Variants in NELL1 observed in about 807,000 individuals in gnomAD.
NELL1 encodes the protein neural EGFL like 1, also known as protein kinase C-binding protein NELL1.
In NELL1, 76 loss-of-function variants were observed where a neutral mutation model predicts 107.4. That is an observed-to-expected ratio of 0.71 (90% CI 0.59 to 0.86). The LOEUF (loss-of-function observed/expected upper bound fraction) is 0.86. NELL1 is among the 40% of genes least tolerant of loss of function. NELL1 has a pLI of 0.00. For synonymous variants in NELL1, 353 were observed against 341.2 expected, an observed-to-expected ratio of 1.03 and a Z score of -0.38; for missense variants, 1,024 against 1,005.5, an observed-to-expected ratio of 1.02 and a Z score of -0.25.
chr11:20,827,948 G>A (rs1030778858), intron 3 of NELL1, among the ~76,000 whole-genome samples: 7 of 151,236 alleles, frequency 4.6e-5, no homozygotes, highest in Non-Finnish European at 1.0e-4. Flanking sequence ...AACCGCTGTT[G>A]ACTCTATGCT....
At chr11:20,678,106 G>C (rs1482739760) in intron 2 of NELL1, 46 bp downstream of exon 2, 1 of 1,608,880 alleles carries the variant, frequency 6.2e-7, no homozygotes, top group South Asian at 1.1e-5. Flanking sequence ...TTGGGGAGGA[G>C]GGTCTGTCTG....
intron 10 of NELL1, among the ~76,000 whole-genome samples, chr11:20,938,936 C>G (rs61880444): frequency 1.1e-3 from 46 of 42,416 alleles, no homozygotes; most frequent in Admixed American, 2.3e-3. Flanking sequence ...CTCTCTCTCT[C>G]TCTCTGTGTG....
chr11:20,875,633 C>T (rs1388113411), intron 4 of NELL1, among the ~76,000 whole-genome samples: 1 of 152,152 alleles, frequency 6.6e-6, no homozygotes, highest in East Asian at 1.9e-4. Flanking sequence ...ATTATTTTGT[C>T]AAATCACAGA....
At chr11:20,705,718 G>A (rs1437167614) in intron 2 of NELL1, among the ~76,000 whole-genome samples, 1 of 147,910 alleles carries the variant, frequency 6.8e-6, no homozygotes, top group East Asian at 1.9e-4. Context: ...TACCATCAGA[G>A]TGAACAGGCA....
intron 2 of NELL1, among the ~76,000 whole-genome samples, chr11:20,768,831 C>G (rs1274197777): frequency 7.9e-5 from 12 of 152,164 alleles, no homozygotes; most frequent in Admixed American, 7.2e-4. Flanking sequence ...GCCGTGCCCC[C>G]ATCTTGGTTT....
intron 13 of NELL1, among the ~76,000 whole-genome samples, chr11:21,126,759 G>C (rs1357970736): frequency 6.6e-6 from 1 of 152,182 alleles, no homozygotes; most frequent in Non-Finnish European, 1.5e-5. Flanking sequence ...GAGAAGCCCA[G>C]GCTGTGTAGA....
rs1564942753 is a variant in NELL1, at chr11:21,528,518, C to CG, written c.1646-5856_1646-5855insG. On this transcript the variant is annotated intron_variant, in intron 15 of 19. Coordinates refer to ENST00000357134, the MANE Select transcript of NELL1 (RefSeq NM_006157.5). ...ATCTCTTTGCACATACCCACCCCCC[C>CG]CCCCTTTTTTTTTTTCCACAATGAC... 3.6e-4 allele frequency among the ~76,000 whole-genome samples: 18 copies of CG among 49,812 alleles called. 1 individual carries two copies. Among genetic ancestry groups the CG allele is most frequent in the Admixed American group, 1.3e-3 (5 of 3,746 alleles). 32.7% of individuals were successfully genotyped at this position (49,812 alleles called of 152,430 possible). A position where few individuals can be genotyped will look rare whatever the true frequency, so the allele number is the denominator to read the frequency against.
chr11:21,246,889 G>C (rs896289405), intron 14 of NELL1, among the ~76,000 whole-genome samples: 6 of 152,152 alleles, frequency 3.9e-5, no homozygotes, highest in Non-Finnish European at 8.8e-5. Context: ...GCTCTTGCGA[G>C]ATTTATTCAC....
intron 3 of NELL1, among the ~76,000 whole-genome samples, chr11:20,784,141 A>G (rs78790035): frequency 0.01 from 1,533 of 152,324 alleles, 33 homozygotes; most frequent in African/African-American, 0.035. Flanking sequence ...CCTTCAATAA[A>G]CATTTACAGT....
At chr11:21,477,964 T>C (rs1854391410) in intron 15 of NELL1, among the ~76,000 whole-genome samples, 1 of 151,160 alleles carries the variant, frequency 6.6e-6, no homozygotes, top group East Asian at 1.9e-4. Context: ...AATTGACATA[T>C]AGAAAAATGC....
At chr11:21,491,931 T>A (rs989355560) in intron 15 of NELL1, among the ~76,000 whole-genome samples, 1 of 152,096 alleles carries the variant, frequency 6.6e-6, no homozygotes, top group African/African-American at 2.4e-5. Context: ...GTAAGTTGGA[T>A]TCCTAGGTAT....
intron 15 of NELL1, among the ~76,000 whole-genome samples, chr11:21,486,562 A>C (rs151245651): frequency 6.6e-6 from 1 of 152,146 alleles, no homozygotes; most frequent in African/African-American, 2.4e-5. Context: ...AACCAAAAAC[A>C]TGGAAAAGAA....
chr11:21,333,545 C>T (rs1299970634), intron 14 of NELL1, among the ~76,000 whole-genome samples: 1 of 151,972 alleles, frequency 6.6e-6, no homozygotes, highest in African/African-American at 2.4e-5. Context: ...AAACTTTCTT[C>T]CATATGTATG....
intron 14 of NELL1, among the ~76,000 whole-genome samples, chr11:21,334,246 T>G (rs1160099544): frequency 1.3e-5 from 2 of 151,916 alleles, no homozygotes; most frequent in African/African-American, 4.8e-5. Context: ...GGGTGGTAAA[T>G]ATTGGAGGCC....
chr11:21,499,551 A>G (rs1855082188), intron 15 of NELL1, among the ~76,000 whole-genome samples: 1 of 152,130 alleles, frequency 6.6e-6, no homozygotes, highest in Admixed American at 6.6e-5. Flanking sequence ...AAAATTCATC[A>G]ACTGGAATGT....
intron 2 of NELL1, among the ~76,000 whole-genome samples, chr11:20,729,202 T>C (rs1855574849): frequency 6.6e-6 from 1 of 152,190 alleles, no homozygotes; most frequent in South Asian, 2.1e-4. Context: ...TCTTATATCC[T>C]TTTGGCAGTG....
At chr11:21,134,155 G>A (rs1371214489) in intron 13 of NELL1, among the ~76,000 whole-genome samples, 1 of 152,230 alleles carries the variant, frequency 6.6e-6, no homozygotes, top group Non-Finnish European at 1.5e-5. Flanking sequence ...TTGGCAAAGT[G>A]AGAGTGGAGA....
chr11:20,731,113 AG>A (rs1855629545), intron 2 of NELL1, among the ~76,000 whole-genome samples: 1 of 152,106 alleles, frequency 6.6e-6, no homozygotes, highest in Admixed American at 6.5e-5. Flanking sequence ...CAGCTCCAAA[AG>A]GGGCATTTGA....
intron 5 of NELL1, among the ~76,000 whole-genome samples, chr11:20,890,821 A>G (rs1469363264): frequency 1.3e-5 from 2 of 152,142 alleles, no homozygotes; most frequent in Non-Finnish European, 2.9e-5. Context: ...AAGAGAATGA[A>G]AAGGAATGAA....
Sources: allele counts gnomAD v4.1 joint callset (sites outside exome capture counted in the v4.1 genomes callset), GRCh38; gene constraint gnomAD v4.1.1; transcripts MANE v1.5; gene names NCBI Gene and HGNC (gene_info 2026-07-23, HGNC 2026-07-21).